FLT4: variants seen among roughly 807,000 people sequenced by gnomAD.
FLT4 encodes fms related receptor tyrosine kinase 4.
FLT4 carries 30 observed loss-of-function variants against 163.2 expected under a neutral mutation model. That is an observed-to-expected ratio of 0.18 (90% confidence interval 0.14 to 0.25). The LOEUF (loss-of-function observed/expected upper bound fraction) is 0.25, where lower values mean the gene tolerates loss of function less well. Among genes scored for constraint, FLT4 ranks in the 10% least tolerant of loss-of-function variants. FLT4 has a pLI of 1.00. For missense variants in FLT4, 1,510 were observed against 1,863.8 expected, an observed-to-expected ratio of 0.81 and a Z score of 3.50; for synonymous variants, 884 against 789.5, an observed-to-expected ratio of 1.12 and a Z score of -2.01.
upstream of FLT4, among the ~76,000 whole-genome samples, chr5:180,650,073 G>A (rs1765665728): frequency 6.7e-6 from 1 of 149,344 alleles, no homozygotes; most frequent in Admixed American, 6.8e-5. Context: ...TGTAATCCCA[G>A]CTTCTCGGGG....
chr5:180,628,343 G>A (rs1303954662), intron 8 of FLT4, among the ~76,000 whole-genome samples: 3 of 152,202 alleles, frequency 2.0e-5, no homozygotes, highest in African/African-American at 7.2e-5. Flanking sequence ...TCTCTGGGCC[G>A]CAGCACACGC....
At position 180,649,495 on chromosome 5, in the gene FLT4, G is replaced by A; in HGVS notation, c.51C>T (p.Leu17=). Residue 17 remains leucine, a synonymous_variant, in exon 1 of 30, where the codon CTC becomes CTT. Coordinates refer to ENST00000261937, the MANE Select transcript of FLT4 (RefSeq NM_182925.5). ...CCCGTTCGCCGCGCTCACCGTCCAG[G>A]AGTCCCAGGCAGAGCCACAGTCGCA... ...LCLRLWLCLG[L]LDGLVSGYSM... The A allele has an allele frequency of 6.8e-7, 1 of 1,462,030 alleles. No individual in the cohort carries two copies. The highest frequency in any genetic ancestry group is 9.0e-7 in the Non-Finnish European group (1 of 1,110,198). The allele number at this position is 1,462,030 out of a possible 1,614,324, so 90.6% of individuals were successfully genotyped here.
Position 180,630,340 on chromosome 5 carries a change from A to G in FLT4, c.401-3T>C, listed in dbSNP as rs1194085213. 3.7e-6 allele frequency: 6 copies of G among 1,607,510 alleles called. No individual in the cohort carries two copies. In the Admixed American group the frequency reaches 5.0e-5, roughly 13 times the overall value. On this transcript the variant is annotated splice_polypyrimidine_tract_variant and splice_region_variant and intron_variant, in intron 3 of 29. Transcript: ENST00000261937. This position sits in a 1 kb window ranked among gnomAD's most constrained non-coding sequence, Gnocchi z 6.3. ...GTTGATGAATGGCTGCTCAAAGTCT[A>G]TGGAGAGGGAGCAAGCTGTTGGGGA... is the stretch of plus-strand genomic sequence containing the variant.
chr5:180,604,113 A>G (rs974733980), intron 29 of FLT4, among the ~76,000 whole-genome samples: 4 of 152,094 alleles, frequency 2.6e-5, no homozygotes, highest in Non-Finnish European at 4.4e-5. Flanking sequence ...CAGAAAACAC[A>G]CACAGACTCG....
At chr5:180,608,887 G>T in intron 29 of FLT4, 81 bp downstream of exon 29, 2 of 1,218,688 alleles carry the variant, frequency 1.6e-6, no homozygotes, top group Non-Finnish European at 2.4e-6. Flanking sequence ...AGAGGGCTGG[G>T]CACACCCAGA....
At chr5:180,619,480 GC>G in intron 18 of FLT4, 114 bp from the exon 19 acceptor site, 3 of 937,060 alleles carry the variant, frequency 3.2e-6, no homozygotes, top group Non-Finnish European at 5.0e-6. Context: ...CATCCTGCCG[GC>G]CCCACTGAGG....
At chr5:180,644,898 C>T (rs899723588) in intron 1 of FLT4, among the ~76,000 whole-genome samples, 2 of 152,368 alleles carry the variant, frequency 1.3e-5, no homozygotes, top group South Asian at 2.1e-4. Flanking sequence ...TGAGCGGGAA[C>T]GAAGCCATCA....
intron 1 of FLT4, among the ~76,000 whole-genome samples, chr5:180,648,954 C>T (rs1765616465): frequency 6.6e-6 from 1 of 152,176 alleles, no homozygotes; most frequent in South Asian, 2.1e-4. Flanking sequence ...TGGTCCCCGG[C>T]CCCTGTCCCC....
At chr5:180,609,640 G>C (rs995759259) in intron 28 of FLT4, 1 of 461,992 alleles carries the variant, frequency 2.2e-6, no homozygotes, top group East Asian at 4.2e-5. Context: ...TGCCACCGAG[G>C]AGGAGCCGTC....
At chr5:180,621,386 G>A (rs1763131058) in intron 13 of FLT4, 134 bp from the exon 14 acceptor site, 3 of 1,398,326 alleles carry the variant, frequency 2.1e-6, no homozygotes, top group Middle Eastern at 2.5e-4. Flanking sequence ...GGAGCGCGGC[G>A]CGCCTCCGCA....
rs113791757 is a variant in FLT4, at chr5:180,627,626, G to T, written c.1103+1256C>A. 7.6e-3 allele frequency among the ~76,000 whole-genome samples: 1,152 copies of T among 152,354 alleles called. 15 individuals are homozygous for T. Among genetic ancestry groups the T allele is most frequent in the African/African-American group, 0.027 (1,103 of 41,588 alleles). On this transcript the variant is annotated intron_variant, in intron 8 of 29. Transcript: ENST00000261937. ...ATAGGAAGGGTGGGCACCACAGGAA[G>T]GGTGGGTGGCTGCCATAGGAAGAGA... is the stretch of plus-strand genomic sequence containing the variant.
In FLT4 at chr5:180,626,166, C is replaced by A; in HGVS notation, c.1203G>T (p.Leu401=). 6.2e-7 allele frequency: 1 copy of A among 1,612,872 alleles called. No homozygotes were observed. The highest frequency in any genetic ancestry group is 8.5e-7 in the Non-Finnish European group (1 of 1,180,016). ...GCCTCAGGCCAGCAGCGGAGTTCCA[C>A]AGGGCGAGGGTGTAGGTGCCTGTGC... ...EASTGTYTLA[L]WNSAAGLRRN... Residue 401 remains leucine, a synonymous_variant, in exon 9 of 30, where the codon CTG becomes CTT. Transcript: ENST00000261937.
Position 180,601,573 on chromosome 5 carries a change from C to T in FLT4, c.*1619G>A, listed in dbSNP as rs1761516369. 8.6e-6 allele frequency: 2 copies of T among 233,156 alleles called. No individual in the cohort carries two copies. The highest frequency in any genetic ancestry group is 3.6e-4 in the South Asian group (2 of 5,516). The allele number at this position is 233,156 out of a possible 1,614,324, so 14.4% of individuals were successfully genotyped here. On this transcript the variant is annotated 3_prime_UTR_variant, in exon 30 of 30. Coordinates refer to ENST00000261937, the MANE Select transcript of FLT4 (RefSeq NM_182925.5). ...TCTTGTTAAATATTTTCGATCTTTT[C>T]TCAGAACATGGTCTAGAAGGGCATA... is the stretch of plus-strand genomic sequence containing the variant.
chr5:180,618,385 G>A (rs1762834362), intron 21 of FLT4, among the ~76,000 whole-genome samples: 1 of 99,386 alleles, frequency 1.0e-5, no homozygotes, highest in South Asian at 4.9e-4. Flanking sequence ...TCCTACTCCA[G>A]AGCACCCTCT....
At chr5:180,647,716 G>A (rs546367111) in intron 1 of FLT4, among the ~76,000 whole-genome samples, 1 of 152,156 alleles carries the variant, frequency 6.6e-6, no homozygotes, top group African/African-American at 2.4e-5. Flanking sequence ...ACGGAGGGAT[G>A]ACCTCTGTCT....
chr5:180,629,552 C>T, intron 6 of FLT4, 125 bp from the exon 7 acceptor site: 1 of 1,470,630 alleles, frequency 6.8e-7, no homozygotes, highest in Non-Finnish European at 9.3e-7. Flanking sequence ...CCTGAGTTTT[C>T]TTTGGGTGGA....
Position 180,649,568 on chromosome 5 carries a change from C to A in FLT4, c.-23G>T. On this transcript the variant is annotated 5_prime_UTR_variant, in exon 1 of 30. Coordinates refer to ENST00000261937, the MANE Select transcript of FLT4 (RefSeq NM_182925.5). ...CATCTCCGGCCGCTGCGCGTGGGTC[C>A]GACCCGAGCGGCCGCGGCTCGGGGC... is the stretch of plus-strand genomic sequence containing the variant. 7.3e-7 allele frequency: 1 copy of A among 1,377,430 alleles called. No homozygotes were observed. Among genetic ancestry groups the A allele is most frequent in the Non-Finnish European group, 9.4e-7 (1 of 1,061,146 alleles). 85.3% of individuals were successfully genotyped at this position (1,377,430 alleles called of 1,614,324 possible).
chr5:180,627,384 G>A (rs1266921216), intron 8 of FLT4, among the ~76,000 whole-genome samples: 2 of 152,184 alleles, frequency 1.3e-5, no homozygotes, highest in African/African-American at 4.8e-5. Context: ...TGTCTGCATG[G>A]CTCTGGTCCT....
intron 1 of FLT4, among the ~76,000 whole-genome samples, chr5:180,639,423 A>T (rs1483694344): frequency 6.6e-6 from 1 of 151,972 alleles, no homozygotes; most frequent in African/African-American, 2.4e-5. Context: ...GGATAAAAAG[A>T]TGGATCAACA....
Sources: allele counts gnomAD v4.1 joint callset (sites outside exome capture counted in the v4.1 genomes callset), GRCh38; gene constraint gnomAD v4.1.1; non-coding constraint Gnocchi (gnomAD v3.1); transcripts MANE v1.5; gene names NCBI Gene and HGNC (gene_info 2026-07-23, HGNC 2026-07-21).